Variants in MYO5C observed in about 807,000 individuals in gnomAD.
MYO5C encodes the protein unconventional myosin-Vc.
In MYO5C, 194 loss-of-function variants were observed where a neutral mutation model predicts 235.7. The observed-to-expected ratio is 0.82, with a 90% CI of 0.73 to 0.93. MYO5C has a LOEUF of 0.93. Ranked by LOEUF, MYO5C falls within the 40% of genes least tolerant of loss-of-function variation. The pLI, the probability that MYO5C is intolerant of heterozygous loss-of-function variation, is 0.00. For synonymous variants in MYO5C, 707 were observed against 754.8 expected (o/e 0.94, Z 1.04); for missense variants, 2,038 against 2,127.2 (o/e 0.96, Z 0.82).
intron 1 of MYO5C, among the ~76,000 whole-genome samples, chr15:52,285,284 C>G (rs562914173): frequency 3.0e-3 from 450 of 152,194 alleles, no homozygotes; most frequent in Non-Finnish European, 5.2e-3. Flanking sequence ...AGGATAATCG[C>G]TTGAACCCAG....
At position 52,213,194 on chromosome 15, in the gene MYO5C, T is replaced by C; in HGVS notation, c.4135A>G (p.Ile1379Val). Reference sequence around the variant, plus strand: ...GAGTTCCAGGTTTCACTACCAAGAATGAGGTTCTGAATGAGCTTGGCCTCG... The same window carrying C: ...GAGTTCCAGGTTTCACTACCAAGAACGAGGTTCTGAATGAGCTTGGCCTCG... ...EDEAKLIQNLILDLKPRGVVV... is the reference protein window; with the variant it reads ...EDEAKLIQNLVLDLKPRGVVV... The change falls in exon 34 of 41, where the codon ATT becomes GTT. Residue 1379 changes from isoleucine to valine, a missense_variant. Physicochemically the swap from Ile to Val is conservative, Grantham distance 29. Transcript: ENST00000261839. 4 of 1,613,374 alleles carry C rather than the reference T, an allele frequency of 2.5e-6. No individual in the cohort carries two copies. The highest frequency in any genetic ancestry group is 3.4e-6 in the Non-Finnish European group (4 of 1,179,332).
At chr15:52,239,010 G>C (rs2036152803) in intron 21 of MYO5C, among the ~76,000 whole-genome samples, 1 of 151,580 alleles carries the variant, frequency 6.6e-6, no homozygotes, top group Non-Finnish European at 1.5e-5. Context: ...GGAGTGCAGT[G>C]GCGCCATCTT....
intron 10 of MYO5C, 68 bp downstream of exon 10, chr15:52,260,794 T>C: frequency 6.6e-7 from 1 of 1,524,696 alleles, no homozygotes; most frequent in Non-Finnish European, 8.9e-7. Context: ...CAGAACAAAA[T>C]GATCTAAAAA....
At chr15:52,278,338 C>T (rs1158252383) in intron 4 of MYO5C, among the ~76,000 whole-genome samples, 3 of 152,102 alleles carry the variant, frequency 2.0e-5, no homozygotes, top group Non-Finnish European at 4.4e-5. Flanking sequence ...ATTCTGAGGC[C>T]ATCCCAGATG....
chr15:52,208,564 C>T lies in MYO5C; in HGVS notation c.4376G>A (p.Ser1459Asn), dbSNP rs1442155211. Residue 1459 changes from serine to asparagine, a missense_variant, in exon 36 of 41, where the codon AGC (serine) becomes AAC (asparagine). Ser to Asn is a conservative substitution (Grantham distance 46). Coordinates refer to ENST00000261839, the MANE Select transcript of MYO5C (RefSeq NM_018728.4). ...GTGGGCGCCCCCTACCTCTTCTCCG[C>T]TGTACTGCTTCAGGCAATTGAGAAA... is the stretch of plus-strand genomic sequence containing the variant. ...CHFLNCLKQY[S>N]GEEEFMKHNS... is the part of the protein sequence containing the mutation. 1.9e-6 allele frequency: 3 copies of T among 1,614,098 alleles called. No individual in the cohort carries two copies. In the East Asian group the frequency reaches 6.7e-5, roughly 36 times the overall value.
intron 35 of MYO5C, among the ~76,000 whole-genome samples, chr15:52,211,180 C>A (rs957925589): frequency 1.3e-4 from 20 of 152,182 alleles, no homozygotes; most frequent in African/African-American, 4.6e-4. Context: ...ATTATGGAAC[C>A]GCTATCAGCA....
At chr15:52,206,907 C>T (rs562705136) in intron 36 of MYO5C, among the ~76,000 whole-genome samples, 29 of 152,248 alleles carry the variant, frequency 1.9e-4, no homozygotes, top group Non-Finnish European at 3.7e-4. Context: ...CCGAGGCAGG[C>T]GGATCACTTG....
chr15:52,256,596 C>T, intron 11 of MYO5C, 43 bp downstream of exon 11: 3 of 1,490,034 alleles, frequency 2.0e-6, no homozygotes, highest in East Asian at 4.6e-5. Flanking sequence ...CACGCGCGCG[C>T]GCGCGGCTGA....
Position 52,194,011 on chromosome 15 carries a change from T to C in MYO5C, c.5120A>G (p.Asp1707Gly). The change falls in exon 41 of 41, where the codon GAT becomes GGT. Residue 1707 changes from aspartate to glycine, a missense_variant. Coordinates refer to ENST00000261839, the MANE Select transcript of MYO5C (RefSeq NM_018728.4). ...TGTGACTTGAAAGAGATATTTGGTA[T>C]CCAACATCAGCTGTGATGAATCCTC... ...SREDSSQLML[D>G]TKYLFQVTFP... 6.2e-7 allele frequency: 1 copy of C among 1,613,798 alleles called. No homozygotes were observed. The highest frequency in any genetic ancestry group is 8.5e-7 in the Non-Finnish European group (1 of 1,179,904).
chr15:52,210,020 G>A (rs2035410617), intron 35 of MYO5C, among the ~76,000 whole-genome samples: 1 of 152,142 alleles, frequency 6.6e-6, no homozygotes, highest in Admixed American at 6.5e-5. Context: ...CTGGAGTGCA[G>A]TGGTGTGATC....
At chr15:52,256,554 T>C in intron 11 of MYO5C, 85 bp downstream of exon 11, 2 of 761,994 alleles carry the variant, frequency 2.6e-6, no homozygotes, top group South Asian at 4.3e-5. Flanking sequence ...AGAATGCCTC[T>C]TTCCACGAAC....
At chr15:52,265,472 T>C (rs769278851) in intron 8 of MYO5C, among the ~76,000 whole-genome samples, 3 of 152,102 alleles carry the variant, frequency 2.0e-5, no homozygotes, top group Non-Finnish European at 4.4e-5. Context: ...GACCCCTCAC[T>C]TGAGGATACC....
chr15:52,261,711 C>T (rs1343588203), intron 9 of MYO5C, among the ~76,000 whole-genome samples: 2 of 152,212 alleles, frequency 1.3e-5, no homozygotes, highest in South Asian at 4.1e-4. Context: ...GCTTCTCCCC[C>T]AAGCCAGGGC....
chr15:52,278,796 C>A, intron 4 of MYO5C, 77 bp downstream of exon 4: 1 of 1,549,704 alleles, frequency 6.5e-7, no homozygotes. Context: ...CTAGATATCT[C>A]CCCTCCACTG....
At chr15:52,260,817 C>A in intron 10 of MYO5C, 45 bp downstream of exon 10, 1 of 1,596,620 alleles carries the variant, frequency 6.3e-7, no homozygotes. Context: ...ATGCGGCTCT[C>A]AACATTTAAA....
intron 1 of MYO5C, among the ~76,000 whole-genome samples, chr15:52,291,531 G>T (rs1221907443): frequency 6.6e-6 from 1 of 151,672 alleles, no homozygotes; most frequent in Non-Finnish European, 1.5e-5. Context: ...CCCTTTCACG[G>T]GTCATGTCAG....
intron 5 of MYO5C, among the ~76,000 whole-genome samples, chr15:52,273,007 T>A (rs2036959575): frequency 6.6e-6 from 1 of 152,198 alleles, no homozygotes. Context: ...ATCTTTGCTA[T>A]CTGTGTAATG....
At chr15:52,194,800 ATC>A (rs897041990) in intron 40 of MYO5C, among the ~76,000 whole-genome samples, 7 of 151,794 alleles carry the variant, frequency 4.6e-5, no homozygotes, top group African/African-American at 1.7e-4. Context: ...TCTGCATTCA[ATC>A]TGTTGTGATA....
intron 37 of MYO5C, 118 bp from the exon 38 acceptor site, chr15:52,205,265 C>CTTA (rs768859649): frequency 3.5e-5 from 40 of 1,148,974 alleles, no homozygotes; most frequent in Non-Finnish European, 4.5e-5. Context: ...AGTGGATGTA[C>CTTA]TTATGATAGA....
Sources: allele counts gnomAD v4.1 joint callset (sites outside exome capture counted in the v4.1 genomes callset), GRCh38; gene constraint gnomAD v4.1.1; transcripts MANE v1.5; gene names NCBI Gene and HGNC (gene_info 2026-07-23, HGNC 2026-07-21).